ATP6V0A2: variants seen among roughly 807,000 people sequenced by gnomAD.
ATP6V0A2 encodes the protein V-type proton ATPase 116 kDa subunit a 2.
ATP6V0A2 carries 58 observed loss-of-function variants against 104.4 expected under a neutral mutation model. That is an observed-to-expected ratio of 0.56 (90% CI 0.45 to 0.69). ATP6V0A2 has a LOEUF of 0.69. Ranked by LOEUF, ATP6V0A2 falls within the 30% of genes least tolerant of loss-of-function variation. The pLI is 0.00. For missense variants in ATP6V0A2, 938 were observed against 1,062.9 expected (o/e 0.88, Z 1.63); for synonymous variants, 376 against 397.9 (o/e 0.95, Z 0.65).
At chr12:123,714,263 T>C (rs1439895373) in intron 1 of ATP6V0A2, among the ~76,000 whole-genome samples, 2 of 152,212 alleles carry the variant, frequency 1.3e-5, no homozygotes, top group Non-Finnish European at 2.9e-5. Flanking sequence ...TTCAACTGAA[T>C]GTCAGTGAAA....
chr12:123,714,926 A>G (rs1956325856), intron 1 of ATP6V0A2, among the ~76,000 whole-genome samples: 1 of 152,134 alleles, frequency 6.6e-6, no homozygotes, highest in Admixed American at 6.5e-5. Context: ...CTAAAAATAC[A>G]AAAATTAGCT....
chr12:123,759,568 G>T lies in ATP6V0A2; in HGVS notation c.*1536G>T, dbSNP rs1485982250. ...GATTTTAGACAATTATTTTCAAAAA[G>T]AAACCTGACTTTTTTTCACCTTCTT... On this transcript the variant is annotated 3_prime_UTR_variant, in exon 20 of 20. Coordinates refer to ENST00000330342, the MANE Select transcript of ATP6V0A2 (RefSeq NM_012463.4). The T allele has an allele frequency of 6.6e-6, 1 of 152,126 alleles. No homozygotes were observed. The highest frequency in any genetic ancestry group is 1.5e-5 in the Non-Finnish European group (1 of 68,022). 9.4% of individuals were successfully genotyped at this position (152,126 alleles called of 1,614,324 possible).
intron 18 of ATP6V0A2, among the ~76,000 whole-genome samples, chr12:123,755,163 C>T (rs986688373): frequency 4.6e-5 from 7 of 152,150 alleles, no homozygotes; most frequent in Non-Finnish European, 7.4e-5. Flanking sequence ...TGATAACCCA[C>T]CAGTGGTGCT....
intron 1 of ATP6V0A2, among the ~76,000 whole-genome samples, chr12:123,714,132 C>G (rs1393730832): frequency 6.6e-6 from 1 of 152,204 alleles, no homozygotes; most frequent in South Asian, 2.1e-4. Context: ...GGTTAGTACT[C>G]AAGCCAAGAC....
At chr12:123,718,546 T>G in intron 1 of ATP6V0A2, 77 bp from the exon 2 acceptor site, 1 of 1,084,198 alleles carries the variant, frequency 9.2e-7, no homozygotes, top group Non-Finnish European at 1.4e-6. Flanking sequence ...CCCCAAACTT[T>G]GGTGATGTTT....
chr12:123,756,588 A>T (rs2135923354), intron 18 of ATP6V0A2: 1 of 567,660 alleles, frequency 1.8e-6, no homozygotes, highest in Non-Finnish European at 3.1e-6. Context: ...CCTTTGGGAG[A>T]TGGCCTCTGA....
At position 123,712,503 on chromosome 12, in the gene ATP6V0A2, G is replaced by C. The variant is rs1429575777; in HGVS notation, c.-63G>C. The C allele has an allele frequency of 1.7e-6, 2 of 1,210,506 alleles. No individual in the cohort carries two copies. The highest frequency in any genetic ancestry group is 2.3e-6 in the Non-Finnish European group (2 of 882,390). 75.0% of individuals were successfully genotyped at this position (1,210,506 alleles called of 1,614,324 possible). A position where few individuals can be genotyped will look rare whatever the true frequency, so the allele number is the denominator to read the frequency against. ...CCCGGGCCGCACCGGCTGAGTGTGC[G>C]GGCCCGCGCGGCTCGGAGCCGCCGC... On this transcript the variant is annotated 5_prime_UTR_variant, in exon 1 of 20. Transcript: ENST00000330342.
chr12:123,736,668 GC>G (rs1353506684), intron 8 of ATP6V0A2, among the ~76,000 whole-genome samples: 1 of 152,196 alleles, frequency 6.6e-6, no homozygotes, highest in Non-Finnish European at 1.5e-5. Context: ...GATGGGATGG[GC>G]GTTGGTGGCT....
At chr12:123,716,086 G>A (rs958737880) in intron 1 of ATP6V0A2, among the ~76,000 whole-genome samples, 2 of 148,560 alleles carry the variant, frequency 1.3e-5, no homozygotes, top group Non-Finnish European at 3.0e-5. Context: ...TTTTTTTTGA[G>A]ATGGAGTCTC....
Position 123,760,817 on chromosome 12 carries a change from C to G in ATP6V0A2, c.*2785C>G, listed in dbSNP as rs1385588292. The stretch of plus-strand genomic sequence containing the variant: ...CCAGCAGCGAAAGGACTTGGAACTC[C>G]TCTTTCGCTGAATGCTGCTCTGTTT... On this transcript the variant is annotated 3_prime_UTR_variant, in exon 20 of 20. Transcript: ENST00000330342. 1 of 152,210 alleles carries G rather than the reference C, an allele frequency of 6.6e-6. No homozygotes were observed. The highest frequency in any genetic ancestry group is 1.5e-5 in the Non-Finnish European group (1 of 68,034). 9.4% of individuals were successfully genotyped at this position (152,210 alleles called of 1,614,324 possible). A position where few individuals can be genotyped will look rare whatever the true frequency, so the allele number is the denominator to read the frequency against.
intron 17 of ATP6V0A2, among the ~76,000 whole-genome samples, chr12:123,753,309 C>T (rs948872761): frequency 6.6e-6 from 1 of 152,246 alleles, no homozygotes; most frequent in African/African-American, 2.4e-5. Flanking sequence ...GGACCAGTGA[C>T]TGCTATCTTA....
Position 123,744,464 on chromosome 12 carries a change from T to G in ATP6V0A2, c.1326+127T>G. On this transcript the variant is annotated intron_variant, in intron 11 of 19. Coordinates refer to ENST00000330342, the MANE Select transcript of ATP6V0A2 (RefSeq NM_012463.4). The surrounding 1 kb of genome is among the most constrained non-coding windows in gnomAD (Gnocchi z 5.4). ...CTGGGCAGGTGTGTGGCCTGTCAGC[T>G]GCGGCTGACAGGGATGTCTGCGGGG... The G allele has an allele frequency of 1.3e-6, 2 of 1,537,098 alleles. No homozygotes were observed. Among genetic ancestry groups the G allele is most frequent in the Non-Finnish European group, 1.8e-6 (2 of 1,115,300 alleles).
rs35745171 is a variant in ATP6V0A2, at chr12:123,747,595, GT to G, written c.1606-9del. The G allele has an allele frequency of 2.6e-6, 4 of 1,547,030 alleles. No homozygotes were observed. The highest frequency in any genetic ancestry group is 3.6e-6 in the Non-Finnish European group (4 of 1,119,120). On this transcript the variant is annotated splice_polypyrimidine_tract_variant and intron_variant, in intron 13 of 19. Coordinates refer to ENST00000330342, the MANE Select transcript of ATP6V0A2 (RefSeq NM_012463.4). ...TAAAGATTCTGTTTTGTCTTGTTTG[GT>G]TTGGTTTTAGATTTGGAACTTGGCC... is the stretch of plus-strand genomic sequence containing the variant.
rs762614200 is a variant in ATP6V0A2, at chr12:123,756,854, G to T, written c.2333G>T (p.Gly778Val). The T allele has an allele frequency of 1.3e-4, 217 of 1,614,038 alleles. No homozygotes were observed. Among genetic ancestry groups the T allele is most frequent in the Non-Finnish European group, 1.8e-4 (210 of 1,180,046 alleles). The change falls in exon 19 of 20, where the codon GGC becomes GTC. Residue 778 changes from glycine (G) to valine (V), a missense_variant. Physicochemically the swap from Gly to Val is moderately radical, Grantham distance 109. Coordinates refer to ENST00000330342, the MANE Select transcript of ATP6V0A2 (RefSeq NM_012463.4). ...DVLWAMLMRV[G>V]LRVDTTYGVL... is the part of the protein sequence containing the mutation. The stretch of plus-strand genomic sequence containing the variant: ...CTGTGGGCCATGCTGATGCGCGTGG[G>T]CCTCCGCGTTGACACCACCTATGGC...
At chr12:123,739,991 C>T (rs914741659) in intron 9 of ATP6V0A2, among the ~76,000 whole-genome samples, 1 of 151,814 alleles carries the variant, frequency 6.6e-6, no homozygotes, top group Non-Finnish European at 1.5e-5. Context: ...ATGGTTAAAC[C>T]GCATCTCTAC....
In ATP6V0A2 at chr12:123,760,012, C is replaced by T. The variant is rs1036919336; in HGVS notation, c.*1980C>T. On this transcript the variant is annotated 3_prime_UTR_variant, in exon 20 of 20. Coordinates refer to ENST00000330342, the MANE Select transcript of ATP6V0A2 (RefSeq NM_012463.4). ...GCTGGTCAGGTCTCAGAGTTGCTTT[C>T]ACCTAGAGCTGATGCTTCCACAAGG... The T allele has an allele frequency of 6.6e-6, 1 of 152,196 alleles. No homozygotes were observed. Among genetic ancestry groups the T allele is most frequent in the Non-Finnish European group, 1.5e-5 (1 of 68,040 alleles). The allele number at this position is 152,196 out of a possible 1,614,324, so 9.4% of individuals were successfully genotyped here. A position where few individuals can be genotyped will look rare whatever the true frequency, so the allele number is the denominator to read the frequency against.
In ATP6V0A2 at chr12:123,758,335, C is replaced by T. The variant is rs1438439285; in HGVS notation, c.*303C>T. The T allele has an allele frequency of 8.4e-6, 2 of 238,644 alleles. No homozygotes were observed. The highest frequency in any genetic ancestry group is 1.6e-5 in the Non-Finnish European group (2 of 123,394). The allele number at this position is 238,644 out of a possible 1,614,324, so 14.8% of individuals were successfully genotyped here. Reference sequence around the variant, plus strand: ...GGGGAGAGAAGCCAATTTTGCATGGCTAGTTGAAAATGGTATTAGATACTT... The same window carrying T: ...GGGGAGAGAAGCCAATTTTGCATGGTTAGTTGAAAATGGTATTAGATACTT... On this transcript the variant is annotated 3_prime_UTR_variant, in exon 20 of 20. Coordinates refer to ENST00000330342, the MANE Select transcript of ATP6V0A2 (RefSeq NM_012463.4).
intron 9 of ATP6V0A2, among the ~76,000 whole-genome samples, chr12:123,740,553 A>G (rs958718946): frequency 6.6e-6 from 1 of 152,054 alleles, no homozygotes; most frequent in Admixed American, 6.5e-5. Flanking sequence ...TGTTCTTTCA[A>G]TATATAGTCT....
At chr12:123,747,583 T>G (rs1225298264) in intron 13 of ATP6V0A2, 24 bp from the exon 14 acceptor site, 4 of 1,465,040 alleles carry the variant, frequency 2.7e-6, no homozygotes, top group Non-Finnish European at 3.8e-6. Context: ...AGATTCTGTT[T>G]TGTCTTGTTT....
Sources: gnomAD v4.1 joint callset for allele counts (sites outside exome capture counted in the v4.1 genomes callset) on GRCh38, gnomAD v4.1.1 for gene constraint, Gnocchi (gnomAD v3.1) non-coding constraint, MANE v1.5 for transcripts, NCBI Gene and HGNC (gene_info 2026-07-23, HGNC 2026-07-21) for gene names.